PCDHA4: variants seen among roughly 807,000 people sequenced by gnomAD.
PCDHA4 encodes the protein protocadherin alpha-4.
PCDHA4 carries 49 observed loss-of-function variants against 61.4 expected under a neutral mutation model. The observed-to-expected ratio is 0.80, with a 90% CI of 0.63 to 1.01. The LOEUF (loss-of-function observed/expected upper bound fraction) is 1.01, where lower values mean the gene tolerates loss of function less well. PCDHA4 is among the 50% of genes least tolerant of loss of function. PCDHA4 has a pLI of 0.00. For synonymous variants in PCDHA4, 590 were observed against 550.3 expected (o/e 1.07, Z -1.01); for missense variants, 1,254 against 1,235.8 (o/e 1.01, Z -0.22).
intron 1 of PCDHA4, chr5:140,870,060 A>G (rs2051623081): frequency 6.2e-7 from 1 of 1,613,776 alleles, no homozygotes; most frequent in African/African-American, 1.3e-5. Flanking sequence ...AAATTGAAGT[A>G]CAGGCTACAG....
rs2098417240 is a variant in PCDHA4 at position 141,010,418 on chromosome 5, G to A, written c.*481G>A. Reference sequence around the variant, plus strand: ...AGCCAGCTTAGACTAATTGGTACAAGGAAGGCAAGAAAACAAAGACAAATA... The same window carrying A: ...AGCCAGCTTAGACTAATTGGTACAAAGAAGGCAAGAAAACAAAGACAAATA... On this transcript the variant is annotated 3_prime_UTR_variant, in exon 4 of 4. Coordinates refer to ENST00000530339, the MANE Select transcript of PCDHA4 (RefSeq NM_018907.4). The A allele has an allele frequency of 3.4e-6, 4 of 1,168,142 alleles. No homozygotes were observed. The East Asian group carries it at 1.0e-4, about 30-fold the overall frequency. The allele number at this position is 1,168,142 out of a possible 1,614,324, so 72.4% of individuals were successfully genotyped here. A position where few individuals can be genotyped will look rare whatever the true frequency, so the allele number is the denominator to read the frequency against.
At position 140,824,323 on chromosome 5, in the gene PCDHA4, T is replaced by C. The variant is rs2150134104; in HGVS notation, c.2385+14751T>C. The C allele has an allele frequency of 4.3e-6, 3 of 698,316 alleles. No homozygotes were observed. In the African/African-American group the frequency reaches 5.4e-5, roughly 12 times the overall value. The allele number at this position is 698,316 out of a possible 1,614,324, so 43.3% of individuals were successfully genotyped here. Reference sequence around the variant, plus strand: ...TGGGGTAATAGATTCATCAGCTTTCTGTGATATTAAGTGTTTTTAAAATAA... The same window carrying C: ...TGGGGTAATAGATTCATCAGCTTTCCGTGATATTAAGTGTTTTTAAAATAA... On this transcript the variant is annotated intron_variant, in intron 1 of 3. Transcript: ENST00000530339.
intron 3 of PCDHA4, among the ~76,000 whole-genome samples, chr5:141,008,057 C>T (rs1472919496): frequency 3.9e-5 from 6 of 152,020 alleles, no homozygotes; most frequent in African/African-American, 1.2e-4. Context: ...GGGGTCCAGT[C>T]CATCTAAGAA....
At chr5:140,986,019 G>A (rs562523452) in intron 3 of PCDHA4, among the ~76,000 whole-genome samples, 66 of 152,154 alleles carry the variant, frequency 4.3e-4, no homozygotes, top group Middle Eastern at 3.4e-3. Flanking sequence ...GATTACAGGC[G>A]TGAGCCACTG....
intron 1 of PCDHA4, among the ~76,000 whole-genome samples, chr5:140,844,056 C>T (rs2150368567): frequency 1.3e-5 from 2 of 149,686 alleles, no homozygotes; most frequent in African/African-American, 4.9e-5. Context: ...TCCCCCAAAG[C>T]GTTTATTCTT....
intron 1 of PCDHA4, chr5:140,875,642 C>A: frequency 6.2e-7 from 1 of 1,613,606 alleles, no homozygotes; most frequent in Non-Finnish European, 8.5e-7. Flanking sequence ...CTGGAGCTGG[C>A]GGAGCTGGTG....
At chr5:140,842,412 A>T in intron 1 of PCDHA4, 1 of 1,613,004 alleles carries the variant, frequency 6.2e-7, no homozygotes, top group East Asian at 2.2e-5. Context: ...GAAGACGCTC[A>T]ATTTGGTACT....
intron 1 of PCDHA4, chr5:140,869,938 T>TA (rs2051517617): frequency 6.2e-7 from 1 of 1,611,918 alleles, no homozygotes; most frequent in Admixed American, 1.7e-5. Context: ...AGAGGTAACA[T>TA]ACTCCTTAAT....
At position 140,807,071 on chromosome 5, in the gene PCDHA4, T is replaced by C. The variant is rs568320895; in HGVS notation, c.-117T>C. The C allele has an allele frequency of 9.3e-6, 11 of 1,185,968 alleles. No homozygotes were observed. The African/African-American group carries it at 1.7e-4, about 18-fold the overall frequency. The allele number at this position is 1,185,968 out of a possible 1,614,324, so 73.5% of individuals were successfully genotyped here. Reference sequence around the variant, plus strand: ...TCTATTCTTACTGGAAGGAACCATATACACTCTTTGGAGTCTGAAATATGG... The same window carrying C: ...TCTATTCTTACTGGAAGGAACCATACACACTCTTTGGAGTCTGAAATATGG... On this transcript the variant is annotated 5_prime_UTR_variant, in exon 1 of 4. Coordinates refer to ENST00000530339, the MANE Select transcript of PCDHA4 (RefSeq NM_018907.4).
chr5:140,835,821 G>C (rs2150245813), intron 1 of PCDHA4: 5 of 1,612,596 alleles, frequency 3.1e-6, no homozygotes, highest in Admixed American at 1.7e-5. Context: ...TGTGTCGGCG[G>C]GGGACGCGGA....
chr5:140,926,857 T>C (rs782114974), intron 1 of PCDHA4: 12 of 1,520,736 alleles, frequency 7.9e-6, no homozygotes, highest in Admixed American at 2.2e-5. Context: ...ACCGTTGGTG[T>C]AGCGTGTTGG....
intron 1 of PCDHA4, among the ~76,000 whole-genome samples, chr5:140,837,614 C>G (rs188278547): frequency 3.4e-5 from 5 of 147,660 alleles, no homozygotes; most frequent in African/African-American, 1.3e-4. Flanking sequence ...TTATAATTTG[C>G]CCCTTCCTTC....
At chr5:140,978,587 T>C (rs1260706970) in intron 1 of PCDHA4, among the ~76,000 whole-genome samples, 5 of 152,250 alleles carry the variant, frequency 3.3e-5, no homozygotes, top group Admixed American at 6.5e-5. Context: ...GAATGTTCCC[T>C]TAATGGGGCA....
intron 3 of PCDHA4, among the ~76,000 whole-genome samples, chr5:140,983,854 T>C (rs1554245766): frequency 6.6e-6 from 1 of 152,206 alleles, no homozygotes; most frequent in Admixed American, 6.5e-5. Flanking sequence ...TTAAGTAACA[T>C]GCAGCTAAGG....
chr5:140,835,790 G>T (rs1203887296), intron 1 of PCDHA4: 1 of 1,613,158 alleles, frequency 6.2e-7, no homozygotes, highest in South Asian at 1.1e-5. Flanking sequence ...AGAACAACCC[G>T]CCGGGCTGCC....
intron 1 of PCDHA4, among the ~76,000 whole-genome samples, chr5:140,921,264 T>C (rs2080129104): frequency 6.6e-6 from 1 of 152,210 alleles, no homozygotes; most frequent in Non-Finnish European, 1.5e-5. Flanking sequence ...CCTAGACTTT[T>C]ATACTTACTT....
At position 140,850,667 on chromosome 5, in the gene PCDHA4, G is replaced by C. The variant is rs2150492921; in HGVS notation, c.2385+41095G>C. Reference sequence around the variant, plus strand: ...TGCTGTACACTGTGCTGCGGTGCTCGGCGATGCCCACCGAGGGCGAGTGCG... The same window carrying C: ...TGCTGTACACTGTGCTGCGGTGCTCCGCGATGCCCACCGAGGGCGAGTGCG... On this transcript the variant is annotated intron_variant, in intron 1 of 3. Transcript: ENST00000530339. 10 of 1,598,386 alleles carry C rather than the reference G, an allele frequency of 6.3e-6. No homozygotes were observed. The East Asian group carries it at 1.3e-4, about 21-fold the overall frequency.
chr5:140,886,006 G>C (rs2060811194), intron 1 of PCDHA4, among the ~76,000 whole-genome samples: 2 of 152,088 alleles, frequency 1.3e-5, no homozygotes, highest in Non-Finnish European at 2.9e-5. Context: ...AAATAGTAAA[G>C]GGAGATGCTA....
At chr5:140,832,201 G>A (rs2150200141) in intron 1 of PCDHA4, among the ~76,000 whole-genome samples, 53 of 152,338 alleles carry the variant, frequency 3.5e-4, no homozygotes, top group African/African-American at 1.3e-3. Flanking sequence ...AACCTGCTGA[G>A]TCCTCAGTGA....
Sources: gnomAD v4.1 joint callset for allele counts (sites outside exome capture counted in the v4.1 genomes callset) on GRCh38, gnomAD v4.1.1 for gene constraint, MANE v1.5 for transcripts, NCBI Gene and HGNC (gene_info 2026-07-23, HGNC 2026-07-21) for gene names.